Variants in SERPINI1 observed in about 807,000 individuals in gnomAD.
SERPINI1 encodes neuroserpin.
A neutral mutation model predicts 41.1 loss-of-function variants in SERPINI1; 19 were observed. That is an observed-to-expected ratio of 0.46 (90% CI 0.32 to 0.68). The LOEUF is 0.68. Ranked by LOEUF, SERPINI1 falls within the 30% of genes least tolerant of loss-of-function variation. The probability of loss-of-function intolerance (pLI) is 0.03; values close to 1 mark genes in which losing one functional copy is unlikely to be tolerated. For synonymous variants in SERPINI1, 138 were observed against 156.6 expected (o/e 0.88, Z 0.89); for missense variants, 460 against 479.2 (o/e 0.96, Z 0.37).
chr3:167,813,954 C>A (rs1711981524), intron 6 of SERPINI1, among the ~76,000 whole-genome samples: 1 of 152,182 alleles, frequency 6.6e-6, no homozygotes, highest in African/African-American at 2.4e-5. Context: ...TGCCTCTGCA[C>A]TAGCTTTTCC....
intron 4 of SERPINI1, 66 bp downstream of exon 4, chr3:167,792,850 T>C (rs1727577806): frequency 7.3e-7 from 1 of 1,378,762 alleles, no homozygotes; most frequent in African/African-American, 1.4e-5. Flanking sequence ...AAGAAAAACA[T>C]GAAGCATTCA....
chr3:167,796,980 G>A (rs1179916552), intron 5 of SERPINI1, among the ~76,000 whole-genome samples: 1 of 152,146 alleles, frequency 6.6e-6, no homozygotes, highest in African/African-American at 2.4e-5. Context: ...TCCACCAACA[G>A]TGTAAAAAAG....
intron 1 of SERPINI1, among the ~76,000 whole-genome samples, chr3:167,786,696 C>T (rs1238170025): frequency 1.3e-5 from 2 of 151,294 alleles, no homozygotes; most frequent in South Asian, 2.1e-4. Flanking sequence ...TATACTTTGG[C>T]TATACTAAAT....
At chr3:167,764,392 C>T (rs1401122223) in intron 1 of SERPINI1, among the ~76,000 whole-genome samples, 1 of 152,102 alleles carries the variant, frequency 6.6e-6, no homozygotes, top group Admixed American at 6.5e-5. Flanking sequence ...ACATGGATGG[C>T]AGCAGGCAGA....
chr3:167,811,382 A>G lies in SERPINI1; in HGVS notation c.979+4041A>G, dbSNP rs138967743. On this transcript the variant is annotated intron_variant, in intron 6 of 8. Transcript: ENST00000446050. Reference sequence around the variant, plus strand: ...TACTGGAGAAAGCATGTGGAAACAGAGAAGAAAAAAAAATTAAAAGACAGA... The same window carrying G: ...TACTGGAGAAAGCATGTGGAAACAGGGAAGAAAAAAAAATTAAAAGACAGA... Among the ~76,000 whole-genome samples, 85 of 151,906 alleles carry G rather than the reference A, an allele frequency of 5.6e-4. No individual in the cohort carries two copies. In the East Asian group the frequency reaches 0.013, roughly 24 times the overall value.
chr3:167,778,748 C>A (rs972817873), intron 1 of SERPINI1, among the ~76,000 whole-genome samples: 5 of 152,184 alleles, frequency 3.3e-5, no homozygotes, highest in Non-Finnish European at 7.3e-5. Flanking sequence ...GTTAACTATG[C>A]TTATAGGCTG....
chr3:167,810,873 T>A (rs889127776), intron 6 of SERPINI1, among the ~76,000 whole-genome samples: 2 of 152,200 alleles, frequency 1.3e-5, no homozygotes, highest in African/African-American at 4.8e-5. Context: ...TTTAAGTCCT[T>A]TGTTGTCATT....
At chr3:167,824,809 A>G (rs557117223) in intron 8 of SERPINI1, among the ~76,000 whole-genome samples, 53 of 152,252 alleles carry the variant, frequency 3.5e-4, no homozygotes, top group Middle Eastern at 3.4e-3. Flanking sequence ...AGTTCCAGGC[A>G]GGGAGGATCA....
chr3:167,824,191 A>C (rs1451447368), intron 7 of SERPINI1, among the ~76,000 whole-genome samples: 1 of 152,196 alleles, frequency 6.6e-6, no homozygotes, highest in African/African-American at 2.4e-5. Context: ...ATTTCATAAC[A>C]AGCAGAATAA....
chr3:167,815,299 G>T (rs1366675558), intron 6 of SERPINI1, among the ~76,000 whole-genome samples: 1 of 151,986 alleles, frequency 6.6e-6, no homozygotes, highest in East Asian at 1.9e-4. Context: ...ATTTTAATGA[G>T]ACTGCTTGAA....
chr3:167,815,617 T>C (rs1712054294), intron 6 of SERPINI1, among the ~76,000 whole-genome samples: 3 of 152,164 alleles, frequency 2.0e-5, no homozygotes, highest in African/African-American at 4.8e-5. Context: ...CTTGAACTCC[T>C]AACCTCAAGT....
At chr3:167,793,055 C>G (rs1727583080) in intron 4 of SERPINI1, among the ~76,000 whole-genome samples, 1 of 152,126 alleles carries the variant, frequency 6.6e-6, no homozygotes, top group Non-Finnish European at 1.5e-5. Flanking sequence ...TGAGAATGTT[C>G]TGATTTACTC....
chr3:167,820,469 C>T (rs1007610063), intron 6 of SERPINI1, among the ~76,000 whole-genome samples: 18 of 152,232 alleles, frequency 1.2e-4, no homozygotes, highest in Admixed American at 1.0e-3. Flanking sequence ...TGCCTGGCCT[C>T]TCCCTGATCC....
At chr3:167,752,020 A>G (rs2108535168) in intron 1 of SERPINI1, among the ~76,000 whole-genome samples, 1 of 152,278 alleles carries the variant, frequency 6.6e-6, no homozygotes, top group East Asian at 1.9e-4. Flanking sequence ...GAGAAACTGA[A>G]ATACAGGTTT....
chr3:167,812,994 G>A (rs1711944544), intron 6 of SERPINI1, among the ~76,000 whole-genome samples: 1 of 152,158 alleles, frequency 6.6e-6, no homozygotes, highest in Non-Finnish European at 1.5e-5. Context: ...AGGAGAAAGA[G>A]AGTACTAAAT....
intron 7 of SERPINI1, 31 bp from the exon 8 acceptor site, chr3:167,824,442 G>C (rs746748150): frequency 8.5e-6 from 13 of 1,531,578 alleles, no homozygotes; most frequent in Non-Finnish European, 1.2e-5. Context: ...CACATCCACA[G>C]ACATATAATT....
chr3:167,793,375 G>A (rs1004133479), intron 4 of SERPINI1, among the ~76,000 whole-genome samples: 2 of 152,014 alleles, frequency 1.3e-5, no homozygotes, highest in Admixed American at 6.6e-5. Context: ...GTAATAATTT[G>A]TTAAGTCATA....
intron 1 of SERPINI1, among the ~76,000 whole-genome samples, chr3:167,771,539 A>G (rs776808237): frequency 6.6e-6 from 1 of 152,232 alleles, no homozygotes; most frequent in South Asian, 2.1e-4. Context: ...CTAAGGGACA[A>G]GGGAATGTGG....
intron 5 of SERPINI1, among the ~76,000 whole-genome samples, chr3:167,803,548 A>G (rs914784235): frequency 4.6e-5 from 7 of 152,116 alleles, no homozygotes; most frequent in Non-Finnish European, 1.0e-4. Context: ...AATCTTTCCA[A>G]CAATGCTATG....
Sources: gnomAD v4.1 joint callset for allele counts (sites outside exome capture counted in the v4.1 genomes callset) on GRCh38, gnomAD v4.1.1 for gene constraint, MANE v1.5 for transcripts, NCBI Gene and HGNC (gene_info 2026-07-23, HGNC 2026-07-21) for gene names.